Variants in LATS1 observed in about 807,000 individuals in gnomAD.
LATS1 encodes the protein serine/threonine-protein kinase LATS1.
LATS1 carries 25 observed loss-of-function variants against 106.6 expected under a neutral mutation model. That is an observed-to-expected ratio of 0.23 (90% CI 0.17 to 0.33). The LOEUF (loss-of-function observed/expected upper bound fraction) is 0.33. Ranked by LOEUF, LATS1 falls within the 10% of genes least tolerant of loss-of-function variation. LATS1 has a pLI of 1.00. For synonymous variants in LATS1, 465 were observed against 455.6 expected (o/e 1.02, Z -0.26); for missense variants, 1,040 against 1,382.6 (o/e 0.75, Z 3.93).
chr6:149,671,728 T>C (rs1458634791), intron 7 of LATS1, among the ~76,000 whole-genome samples: 1 of 152,008 alleles, frequency 6.6e-6, no homozygotes, highest in Non-Finnish European at 1.5e-5. Context: ...TCCATATAAA[T>C]TTTAAAATTG....
In LATS1 at chr6:149,680,395, A is replaced by G. The variant is rs754483898; in HGVS notation, c.2073T>C (p.Asn691=). 9 of 1,613,794 alleles carry G rather than the reference A, an allele frequency of 5.6e-6. No individual in the cohort carries two copies. The highest frequency in any genetic ancestry group is 2.2e-5 in the East Asian group (1 of 44,870). ...MRKMLCQKES[N]YIRLKRAKMD... ...TTTTAGCCCTTTTAAGACGGATGTA[A>G]TTAGATTCTTTTTGGCAAAGCATCT... The change falls in exon 5 of 8, where the codon AAT becomes AAC. Residue 691 remains asparagine (N), a synonymous_variant. Coordinates refer to ENST00000543571, the MANE Select transcript of LATS1 (RefSeq NM_004690.4).
At chr6:149,705,417 T>C (rs556848837) in intron 1 of LATS1, among the ~76,000 whole-genome samples, 3 of 152,320 alleles carry the variant, frequency 2.0e-5, no homozygotes, top group South Asian at 2.1e-4. Context: ...TGATCAAGGA[T>C]TAACACTGTT....
intron 3 of LATS1, among the ~76,000 whole-genome samples, chr6:149,687,424 T>C (rs1782451289): frequency 6.6e-6 from 1 of 151,206 alleles, no homozygotes; most frequent in African/African-American, 2.4e-5. Context: ...ACTTTATCAG[T>C]CCTCCTTTTT....
rs935262126 is a variant in LATS1 at position 149,717,945 on chromosome 6, G to C, written c.-237C>G. On this transcript the variant is annotated 5_prime_UTR_variant, in exon 1 of 8. Transcript: ENST00000543571. ...GTCCCAGCAACCCCAAGTATCCCTG[G>C]TGGGGCAGAGCGGGGAGACGAACGG... 3 of 362,562 alleles carry C rather than the reference G, an allele frequency of 8.3e-6. No homozygotes were observed. The highest frequency in any genetic ancestry group is 6.9e-5 in the African/African-American group (3 of 43,284). 22.5% of individuals were successfully genotyped at this position (362,562 alleles called of 1,614,324 possible).
intron 7 of LATS1, among the ~76,000 whole-genome samples, chr6:149,668,639 T>G (rs1329583796): frequency 6.6e-6 from 1 of 150,550 alleles, no homozygotes; most frequent in Non-Finnish European, 1.5e-5. Flanking sequence ...AGACACTGTC[T>G]ATGATTTGTT....
Position 149,702,163 on chromosome 6 carries a change from CTTTA to C in LATS1, c.-41_-38del, listed in dbSNP as rs1783501567. 1.5e-6 allele frequency: 2 copies of C among 1,364,074 alleles called. No individual in the cohort carries two copies. The highest frequency in any genetic ancestry group is 2.0e-6 in the Non-Finnish European group (2 of 985,664). The allele number at this position is 1,364,074 out of a possible 1,614,324, so 84.5% of individuals were successfully genotyped here. A position where few individuals can be genotyped will look rare whatever the true frequency, so the allele number is the denominator to read the frequency against. The stretch of plus-strand genomic sequence containing the variant: ...TATATGTAGCCCACACGAAGGACTT[CTTTA>C]TTTGATAGATCCAGAGCTTTCTTCT... On this transcript the variant is annotated 5_prime_UTR_variant, in exon 2 of 8. Transcript: ENST00000543571.
intron 2 of LATS1, among the ~76,000 whole-genome samples, chr6:149,695,514 A>G (rs1253354094): frequency 6.6e-6 from 1 of 152,164 alleles, no homozygotes; most frequent in Non-Finnish European, 1.5e-5. Flanking sequence ...AGTCTCTGCA[A>G]AAAAACACAA....
chr6:149,677,482 G>A (rs766019926), intron 5 of LATS1, among the ~76,000 whole-genome samples: 1 of 152,160 alleles, frequency 6.6e-6, no homozygotes, highest in Non-Finnish European at 1.5e-5. Context: ...TTTACCTCAA[G>A]TAAAGTGAGA....
intron 3 of LATS1, 109 bp from the exon 4 acceptor site, chr6:149,684,701 T>C (rs1244546767): frequency 9.6e-6 from 7 of 725,848 alleles, no homozygotes; most frequent in Non-Finnish European, 1.3e-5. Context: ...CAATTCTCTT[T>C]CAAGAATTAT....
chr6:149,698,231 A>G (rs556828217), intron 2 of LATS1, among the ~76,000 whole-genome samples: 6 of 137,584 alleles, frequency 4.4e-5, no homozygotes, highest in African/African-American at 1.1e-4. Flanking sequence ...TAACTTTGGA[A>G]TGGGAGTCTT....
At position 149,717,996 on chromosome 6, in the gene LATS1, C is replaced by G. The variant is rs1286471728; in HGVS notation, c.-288G>C. ...GGGGGCTGCCGCGGGCCAGCGCGGC[C>G]CGTCCCAGGGGTCGTGAGGACCTGG... On this transcript the variant is annotated 5_prime_UTR_variant, in exon 1 of 8. Coordinates refer to ENST00000543571, the MANE Select transcript of LATS1 (RefSeq NM_004690.4). 5.5e-6 allele frequency: 2 copies of G among 364,708 alleles called. No individual in the cohort carries two copies. Among genetic ancestry groups the G allele is most frequent in the Non-Finnish European group, 1.1e-5 (2 of 189,960 alleles). The allele number at this position is 364,708 out of a possible 1,614,324, so 22.6% of individuals were successfully genotyped here.
At chr6:149,713,315 GAC>G (rs1784208988) in intron 1 of LATS1, among the ~76,000 whole-genome samples, 2 of 149,506 alleles carry the variant, frequency 1.3e-5, no homozygotes. Context: ...TTTTTTTTGA[GAC>G]AGAGTCTCCC....
intron 1 of LATS1, among the ~76,000 whole-genome samples, chr6:149,702,794 C>T (rs758041381): frequency 5.9e-5 from 9 of 152,144 alleles, no homozygotes; most frequent in Non-Finnish European, 1.0e-4. Flanking sequence ...GCCTCAGCCT[C>T]CCCAATAGCT....
Position 149,694,932 on chromosome 6 carries a change from C to T in LATS1, c.496+142G>A, listed in dbSNP as rs1159894612. 9 of 661,404 alleles carry T rather than the reference C, an allele frequency of 1.4e-5. No individual in the cohort carries two copies. In the East Asian group the frequency reaches 2.1e-4, roughly 15 times the overall value. The allele number at this position is 661,404 out of a possible 1,614,324, so 41.0% of individuals were successfully genotyped here. On this transcript the variant is annotated intron_variant, in intron 3 of 7. Coordinates refer to ENST00000543571, the MANE Select transcript of LATS1 (RefSeq NM_004690.4). The stretch of plus-strand genomic sequence containing the variant: ...CATCCTTAAATTCATTTTGGTATAA[C>T]ATTATAATGTTATCTTAATTTGAGA...
In LATS1 at chr6:149,662,013, A is replaced by T; in HGVS notation, c.3109T>A (p.Ser1037Thr). The T allele has an allele frequency of 6.2e-7, 1 of 1,614,154 alleles. No homozygotes were observed. Among genetic ancestry groups the T allele is most frequent in the Non-Finnish European group, 8.5e-7 (1 of 1,180,010 alleles). ...TCAGGATCAACAGGATCAAAATTTG[A>T]TGTATCTGTTGGGTGTGTGATTTTA... ...IPKITHPTDT[S>T]NFDPVDPDKL... The change falls in exon 8 of 8, where the codon TCA becomes ACA. Residue 1037 changes from serine (S) to threonine (T), a missense_variant. Around this residue, in one of 7 missense-constraint regions of LATS1, gnomAD observed 113 missense variants for 146.3 expected, o/e 0.77. Coordinates refer to ENST00000543571, the MANE Select transcript of LATS1 (RefSeq NM_004690.4).
intron 5 of LATS1, among the ~76,000 whole-genome samples, chr6:149,678,774 C>CCTAG (rs1781872814): frequency 6.6e-6 from 1 of 152,146 alleles, no homozygotes. Flanking sequence ...GGGTTCAAAG[C>CCTAG]CTAGCCCTTA....
intron 1 of LATS1, among the ~76,000 whole-genome samples, chr6:149,707,157 A>G (rs1783828971): frequency 6.6e-6 from 1 of 151,732 alleles, no homozygotes; most frequent in Non-Finnish European, 1.5e-5. Context: ...CCGAGATCAC[A>G]GGTGTGTACC....
At chr6:149,706,215 A>G (rs1288910542) in intron 1 of LATS1, among the ~76,000 whole-genome samples, 1 of 134,944 alleles carries the variant, frequency 7.4e-6, no homozygotes, top group Non-Finnish European at 1.6e-5. Context: ...AAAAAAAAAA[A>G]AAAAAAAAAG....
At chr6:149,697,133 G>C (rs1431317332) in intron 2 of LATS1, 1 of 1,347,736 alleles carries the variant, frequency 7.4e-7, no homozygotes. Context: ...ATTTTTAAAT[G>C]AGAAATGGCT....
Sources: allele counts gnomAD v4.1 joint callset (sites outside exome capture counted in the v4.1 genomes callset), GRCh38; gene constraint gnomAD v4.1.1; regional missense constraint gnomAD v4.1.1; transcripts MANE v1.5; gene names NCBI Gene and HGNC (gene_info 2026-07-23, HGNC 2026-07-21).